ROBO2: variants seen among roughly 807,000 people sequenced by gnomAD.
ROBO2 encodes roundabout homolog 2.
In ROBO2, 53 loss-of-function variants were observed where a neutral mutation model predicts 160.8. The observed-to-expected ratio is 0.33, with a 90% CI of 0.26 to 0.41. The LOEUF (loss-of-function observed/expected upper bound fraction) is 0.41, where lower values mean the gene tolerates loss of function less well. ROBO2 is among the 10% of genes least tolerant of loss of function. The probability of loss-of-function intolerance (pLI) is 1.00; values close to 1 mark genes in which losing one functional copy is unlikely to be tolerated. For missense variants in ROBO2, 1,577 were observed against 1,722.4 expected (o/e 0.92, Z 1.49); for synonymous variants, 664 against 611.7 (o/e 1.09, Z -1.26).
chr3:76,881,491 A>G (rs563469208), intron 2 of ROBO2, among the ~76,000 whole-genome samples: 1 of 152,206 alleles, frequency 6.6e-6, no homozygotes, highest in Non-Finnish European at 1.5e-5. Flanking sequence ...CATCTGCTAC[A>G]TTGCATTGTC....
chr3:77,560,037 T>C (rs772802524), intron 9 of ROBO2, among the ~76,000 whole-genome samples: 20 of 152,132 alleles, frequency 1.3e-4, no homozygotes, highest in Non-Finnish European at 2.4e-4. Flanking sequence ...AAAGGCAGAC[T>C]TGGGCCATAG....
At chr3:76,724,731 C>T (rs2093520794) in intron 2 of ROBO2, among the ~76,000 whole-genome samples, 1 of 152,174 alleles carries the variant, frequency 6.6e-6, no homozygotes, top group Non-Finnish European at 1.5e-5. Context: ...ACCCTAATCT[C>T]TGCAACCTAT....
intron 2 of ROBO2, among the ~76,000 whole-genome samples, chr3:75,983,917 A>G (rs953133863): frequency 6.6e-6 from 1 of 151,492 alleles, no homozygotes; most frequent in African/African-American, 2.4e-5. Flanking sequence ...TGGCAGGGCT[A>G]AGCTGATTAG....
intron 2 of ROBO2, among the ~76,000 whole-genome samples, chr3:77,346,131 A>G (rs563278156): frequency 2.0e-5 from 3 of 152,278 alleles, no homozygotes; most frequent in Middle Eastern, 3.4e-3. Flanking sequence ...CCCATCATTT[A>G]GGAGTAGTTT....
At chr3:76,427,746 G>A (rs1213942698) in intron 2 of ROBO2, among the ~76,000 whole-genome samples, 2 of 152,074 alleles carry the variant, frequency 1.3e-5, no homozygotes, top group Non-Finnish European at 2.9e-5. Context: ...AATGATTACG[G>A]TTATATTTTT....
chr3:76,713,733 C>G (rs2093336868), intron 2 of ROBO2, among the ~76,000 whole-genome samples: 1 of 152,040 alleles, frequency 6.6e-6, no homozygotes, highest in Non-Finnish European at 1.5e-5. Flanking sequence ...TTTAATTAGG[C>G]ATCTTTATTC....
chr3:76,937,269 G>T (rs2077767650), intron 2 of ROBO2, among the ~76,000 whole-genome samples: 1 of 152,146 alleles, frequency 6.6e-6, no homozygotes, highest in African/African-American at 2.4e-5. Flanking sequence ...ACATGTGCCA[G>T]ATCTGTGGCA....
At chr3:76,251,408 C>T (rs1458284515) in intron 2 of ROBO2, among the ~76,000 whole-genome samples, 2 of 152,022 alleles carry the variant, frequency 1.3e-5, no homozygotes. Context: ...GAAAAGAATA[C>T]ATTTATGCTC....
chr3:77,537,886 GC>G (rs1168569557), intron 6 of ROBO2, among the ~76,000 whole-genome samples: 1 of 152,044 alleles, frequency 6.6e-6, no homozygotes, highest in Non-Finnish European at 1.5e-5. Flanking sequence ...TAAAGACCCT[GC>G]CCCGTGATTC....
At chr3:77,438,568 G>T (rs934539103) in intron 2 of ROBO2, among the ~76,000 whole-genome samples, 1 of 143,980 alleles carries the variant, frequency 6.9e-6, no homozygotes, top group East Asian at 2.0e-4. Flanking sequence ...ACACACACAC[G>T]CATATATGTG....
chr3:76,698,091 A>G (rs1340614767), intron 2 of ROBO2, among the ~76,000 whole-genome samples: 1 of 152,084 alleles, frequency 6.6e-6, no homozygotes, highest in Non-Finnish European at 1.5e-5. Flanking sequence ...AATTGGATGT[A>G]GAATGCCTGC....
intron 2 of ROBO2, among the ~76,000 whole-genome samples, chr3:77,263,446 C>T (rs2058909136): frequency 6.6e-6 from 1 of 152,136 alleles, no homozygotes; most frequent in Non-Finnish European, 1.5e-5. Flanking sequence ...TGTTCTTCCC[C>T]TCCATGTGTC....
chr3:76,666,827 C>G (rs185536142), intron 2 of ROBO2, among the ~76,000 whole-genome samples: 79 of 151,986 alleles, frequency 5.2e-4, no homozygotes, highest in Non-Finnish European at 9.1e-4. Flanking sequence ...ATTTTTAAAG[C>G]TTGTTGATGT....
In ROBO2 at chr3:77,634,796, T is replaced by C. The variant is rs1031688705; in HGVS notation, c.3761-74T>C. ...AGGTAGATTTACAGGTTAGTCATAGTGCAGAAATATAGGACAGAATCAGTG... is the reference window on the plus strand; with the variant it reads ...AGGTAGATTTACAGGTTAGTCATAGCGCAGAAATATAGGACAGAATCAGTG... On this transcript the variant is annotated intron_variant, in intron 23 of 25. Coordinates refer to ENST00000461745, the Ensembl canonical transcript of ROBO2. 1.1e-5 allele frequency: 15 copies of C among 1,402,544 alleles called. No homozygotes were observed. In the African/African-American group the frequency reaches 1.7e-4, roughly 16 times the overall value. The allele number at this position is 1,402,544 out of a possible 1,614,324, so 86.9% of individuals were successfully genotyped here. A position where few individuals can be genotyped will look rare whatever the true frequency, so the allele number is the denominator to read the frequency against.
intron 2 of ROBO2, among the ~76,000 whole-genome samples, chr3:77,268,656 T>A (rs536869122): frequency 2.0e-5 from 3 of 152,342 alleles, no homozygotes; most frequent in Admixed American, 2.0e-4. Flanking sequence ...AGTTGCCTTA[T>A]GCTTATTCCC....
At position 76,534,017 on chromosome 3, in the gene ROBO2, G is replaced by C. The variant is rs183777346; in HGVS notation, c.110-563997G>C. 2.8e-4 allele frequency among the ~76,000 whole-genome samples: 42 copies of C among 152,206 alleles called. 2 individuals carry two copies. Among genetic ancestry groups the C allele is most frequent in the South Asian group, 2.7e-3 (13 of 4,816 alleles). ...TGTGCAGGTCACAGGGGTTATAATG[G>C]CTGAGCTTCAGCTCAGAGACCTAAC... is the stretch of plus-strand genomic sequence containing the variant. On this transcript the variant is annotated intron_variant, in intron 2 of 26. Transcript: ENST00000487694.
At chr3:76,346,143 G>C (rs893912622) in intron 2 of ROBO2, among the ~76,000 whole-genome samples, 1 of 151,958 alleles carries the variant, frequency 6.6e-6, no homozygotes, top group South Asian at 2.1e-4. Flanking sequence ...AAAGAAGGCT[G>C]TCTTTGTTTC....
intron 1 of ROBO2, among the ~76,000 whole-genome samples, chr3:75,933,076 C>T (rs1457776004): frequency 6.6e-6 from 1 of 152,140 alleles, no homozygotes; most frequent in Non-Finnish European, 1.5e-5. Context: ...CAAAAAGACT[C>T]CTTTTAATAG....
Position 76,613,402 on chromosome 3 carries a change from C to T in ROBO2, c.110-484612C>T, listed in dbSNP as rs369410156. Among the ~76,000 whole-genome samples, 94 of 152,210 alleles carry T rather than the reference C, an allele frequency of 6.2e-4. 1 individual carries two copies. In the South Asian group the frequency reaches 0.018, roughly 30 times the overall value. On this transcript the variant is annotated intron_variant, in intron 2 of 26. Coordinates refer to the ROBO2 transcript ENST00000487694. ...GCTAAATACTACTAATTCTGATTAT[C>T]TCAGTTTAAATAAAACTCTCATAAG...
Sources: allele counts gnomAD v4.1 joint callset (sites outside exome capture counted in the v4.1 genomes callset), GRCh38; gene constraint gnomAD v4.1.1; transcripts MANE v1.5; gene names NCBI Gene and HGNC (gene_info 2026-07-23, HGNC 2026-07-21).